PC: variants seen among roughly 807,000 people sequenced by gnomAD.
PC encodes the protein pyruvate carboxylase, mitochondrial.
In PC, 46 loss-of-function variants were observed where a neutral mutation model predicts 107.8. The ratio of observed to expected loss-of-function variants is 0.43; its 90% CI spans 0.34 to 0.55. PC has a LOEUF of 0.55. Ranked by LOEUF, PC falls within the 20% of genes least tolerant of loss-of-function variation. PC has a pLI of 0.04. For missense variants in PC, 1,241 were observed against 1,643.1 expected, an observed-to-expected ratio of 0.76 and a Z score of 4.23; for synonymous variants, 662 against 684.7, an observed-to-expected ratio of 0.97 and a Z score of 0.52.
rs1393669026 is a variant in PC, at chr11:66,857,081, C to A, written c.1369-3698G>T. 5 of 147,244 alleles carry A rather than the reference C, an allele frequency of 3.4e-5. No individual in the cohort carries two copies. In the East Asian group the frequency reaches 9.9e-4, roughly 29 times the overall value. The allele number at this position is 147,244 out of a possible 1,614,324, so 9.1% of individuals were successfully genotyped here. ...GCGCGCCCGCCGGCGCGCACCCGCT[C>A]GCCTGTCGCCGCCGCCACCGCTAAC... On this transcript the variant is annotated intron_variant, in intron 12 of 22. Transcript: ENST00000393960. The surrounding 1 kb of genome is among the most constrained non-coding windows in gnomAD (Gnocchi z 7.1).
chr11:66,940,751 C>T (rs1004066123), intron 3 of PC, among the ~76,000 whole-genome samples: 4 of 151,016 alleles, frequency 2.6e-5, no homozygotes, highest in Non-Finnish European at 5.9e-5. Flanking sequence ...AGACATTTCC[C>T]CAAAGAAGAT....
rs564763413 is a variant in PC, at chr11:66,848,794, G to A, written c.*105C>T. On this transcript the variant is annotated 3_prime_UTR_variant, in exon 23 of 23. Coordinates refer to ENST00000393960, the MANE Select transcript of PC (RefSeq NM_001040716.2). ...GTCCAGCTGTGGACAGGACCTCCAC[G>A]GCCCGGCCTTCCTGGCCTCGGGCAC... The A allele has an allele frequency of 6.0e-5, 88 of 1,454,818 alleles. No homozygotes were observed. Among genetic ancestry groups the A allele is most frequent in the Non-Finnish European group, 7.9e-5 (83 of 1,045,420 alleles). 90.1% of individuals were successfully genotyped at this position (1,454,818 alleles called of 1,614,324 possible).
intron 3 of PC, among the ~76,000 whole-genome samples, chr11:66,872,671 C>T (rs1340011472): frequency 2.0e-5 from 3 of 149,376 alleles, no homozygotes; most frequent in African/African-American, 7.4e-5. Context: ...GGAGGCAGAG[C>T]TTGCAGCGAG....
At chr11:66,922,385 G>A (rs560081598) in intron 3 of PC, among the ~76,000 whole-genome samples, 19 of 151,838 alleles carry the variant, frequency 1.3e-4, no homozygotes, top group Admixed American at 1.2e-3. Flanking sequence ...GACCAGCTTG[G>A]CCAACATGGT....
intron 3 of PC, among the ~76,000 whole-genome samples, chr11:66,893,220 C>T (rs1200844972): frequency 6.6e-5 from 10 of 152,170 alleles, no homozygotes; most frequent in East Asian, 5.8e-4. Flanking sequence ...TAGCCTGACA[C>T]GGGCCACAGT....
chr11:66,957,050 C>T (rs899621170), intron 1 of PC, among the ~76,000 whole-genome samples: 2 of 152,224 alleles, frequency 1.3e-5, no homozygotes, highest in Non-Finnish European at 2.9e-5. Context: ...GGAGAGCCTG[C>T]AGGCAGGAAG....
chr11:66,943,026 A>G (rs1027026165), intron 3 of PC, among the ~76,000 whole-genome samples: 5 of 142,186 alleles, frequency 3.5e-5, no homozygotes, highest in African/African-American at 7.5e-5. Context: ...CAAAAAAAAA[A>G]AAAGTAAGTT....
At chr11:66,885,244 T>C (rs1050858933) in intron 3 of PC, among the ~76,000 whole-genome samples, 1 of 152,148 alleles carries the variant, frequency 6.6e-6, no homozygotes, top group African/African-American at 2.4e-5. Context: ...ATCCCAGCAC[T>C]TTCGGAGGCT....
intron 3 of PC, among the ~76,000 whole-genome samples, chr11:66,922,446 C>T (rs951906703): frequency 4.0e-5 from 6 of 150,546 alleles, no homozygotes; most frequent in Middle Eastern, 3.4e-3. Flanking sequence ...TGGTGGTGCG[C>T]GCCTGTAATC....
intron 3 of PC, among the ~76,000 whole-genome samples, chr11:66,895,217 G>A (rs969658339): frequency 3.9e-5 from 6 of 152,048 alleles, no homozygotes; most frequent in African/African-American, 1.4e-4. Flanking sequence ...GGCAGGTTAC[G>A]TGACTCTTTG....
chr11:66,945,897 T>C (rs1949271388), intron 3 of PC, among the ~76,000 whole-genome samples: 1 of 145,772 alleles, frequency 6.9e-6, no homozygotes, highest in Non-Finnish European at 1.5e-5. Flanking sequence ...CCATCCTGGC[T>C]AACAAGGTGA....
At chr11:66,937,464 T>C (rs1949026710) in intron 3 of PC, among the ~76,000 whole-genome samples, 1 of 142,160 alleles carries the variant, frequency 7.0e-6, no homozygotes, top group South Asian at 2.2e-4. Context: ...ATATTCATCC[T>C]CATTGGAGTT....
intron 3 of PC, among the ~76,000 whole-genome samples, chr11:66,936,515 T>G (rs892160927): frequency 1.1e-4 from 16 of 152,310 alleles, no homozygotes; most frequent in Admixed American, 9.8e-4. Flanking sequence ...TTCCCCTTTG[T>G]GAGCAAAACA....
chr11:66,924,420 T>TAAAA (rs1362768829), intron 3 of PC, among the ~76,000 whole-genome samples: 1 of 125,596 alleles, frequency 8.0e-6, no homozygotes, highest in Non-Finnish European at 1.7e-5. Flanking sequence ...ACACCTCAAT[T>TAAAA]AAAAAAAAAG....
At chr11:66,924,369 C>CAAAAAAAAAAAAAAAAAAAAAAA (rs71045970) in intron 3 of PC, among the ~76,000 whole-genome samples, 7 of 65,564 alleles carry the variant, frequency 1.1e-4, no homozygotes, top group Admixed American at 1.8e-4. Context: ...CCATCTCTAC[C>CAAAAAAAAAAAAAAAAAAAAAAA]AAAAAAAAAA....
rs1197120964 is a variant in PC at position 66,858,494 on chromosome 11, G to A, written c.1369-5111C>T. On this transcript the variant is annotated intron_variant, in intron 12 of 22. Coordinates refer to ENST00000393960, the MANE Select transcript of PC (RefSeq NM_001040716.2). The surrounding 1 kb of genome is among the most constrained non-coding windows in gnomAD (Gnocchi z 5.9). The stretch of plus-strand genomic sequence containing the variant: ...TGCTGTGGCTGCGGCGGCTGGCGCG[G>A]CCGGACGACCTGGAAACGTGCGCCT... 2 of 1,538,368 alleles carry A rather than the reference G, an allele frequency of 1.3e-6. No individual in the cohort carries two copies.
chr11:66,881,277 G>T lies in PC; in HGVS notation c.1-9118C>A, dbSNP rs531842120. On this transcript the variant is annotated intron_variant, in intron 3 of 22. Transcript: ENST00000393960. ...GACAGATCCCTTTTCTTGGCCTCGG[G>T]TTGTGCATAAGAGACCAAGAAATAA... 6.6e-5 allele frequency among the ~76,000 whole-genome samples: 10 copies of T among 152,322 alleles called. No homozygotes were observed. The East Asian group carries it at 1.9e-3, about 29-fold the overall frequency.
Position 66,849,031 on chromosome 11 carries a change from C to A in PC, c.3405G>T (p.Gln1135His). The A allele has an allele frequency of 6.2e-7, 1 of 1,614,108 alleles. No individual in the cohort carries two copies. Among genetic ancestry groups the A allele is most frequent in the Non-Finnish European group, 8.5e-7 (1 of 1,180,042 alleles). Residue 1135 changes from glutamine to histidine, a missense_variant, in exon 23 of 23, where the codon CAG (glutamine) becomes CAT (histidine). By Grantham distance (24) the Gln-to-His change is conservative. Transcript: ENST00000393960. ...TCATGGCACTGAGCACACACAGGGG[C>A]TGGCCCTTGGCCACCTTGGCCCCTG... is the stretch of plus-strand genomic sequence containing the variant. ...VVAGAKVAKGQPLCVLSAMKM... is the reference protein window; with the variant it reads ...VVAGAKVAKGHPLCVLSAMKM...
At chr11:66,882,126 T>C (rs76693359) in intron 3 of PC, among the ~76,000 whole-genome samples, 1 of 152,168 alleles carries the variant, frequency 6.6e-6, no homozygotes, top group African/African-American at 2.4e-5. Context: ...ATCATCAAAA[T>C]GTCCCTGAAA....
Sources: gnomAD v4.1 joint callset for allele counts (sites outside exome capture counted in the v4.1 genomes callset) on GRCh38, gnomAD v4.1.1 for gene constraint, Gnocchi (gnomAD v3.1) non-coding constraint, MANE v1.5 for transcripts, NCBI Gene and HGNC (gene_info 2026-07-23, HGNC 2026-07-21) for gene names.